The following MYH1 variants were observed in gnomAD, a reference collection of about 807,000 sequenced individuals.
MYH1 encodes myosin heavy chain 1.
In MYH1, 214 loss-of-function variants were observed where a neutral mutation model predicts 225.6. That is an observed-to-expected ratio of 0.95 (90% CI 0.85 to 1.06). The LOEUF (loss-of-function observed/expected upper bound fraction) is 1.06. MYH1 is among the 50% of genes least tolerant of loss of function. The pLI is 0.00. For synonymous variants in MYH1, 774 were observed against 842.3 expected (o/e 0.92, Z 1.40); for missense variants, 2,098 against 2,344.2 (o/e 0.89, Z 2.17).
chr17:10,508,018 G>GTT lies in MYH1; in HGVS notation c.1898-64_1898-63dup, dbSNP rs571060607. Reference sequence around the variant, plus strand: ...TCTCTGGTTATGGTTTTTTTTTTTTGTTTTTTTTTGTTTTTTTTGACGAAG... The same window carrying GTT: ...TCTCTGGTTATGGTTTTTTTTTTTTGTTTTTTTTTTTGTTTTTTTTGACGAAG... On this transcript the variant is annotated intron_variant, in intron 16 of 39. Transcript: ENST00000226207. 9,111 of 1,158,378 alleles carry GTT rather than the reference G, an allele frequency of 7.9e-3. 7 individuals carry two copies. Among genetic ancestry groups the GTT allele is most frequent in the East Asian group, 0.027 (950 of 35,684 alleles). The allele number at this position is 1,158,378 out of a possible 1,614,324, so 71.8% of individuals were successfully genotyped here.
chr17:10,502,587 A>G, intron 24 of MYH1, 151 bp downstream of exon 24: 1 of 1,178,430 alleles, frequency 8.5e-7, no homozygotes, highest in Non-Finnish European at 1.2e-6. Context: ...TTGTGTGTAC[A>G]TCTTAGACCT....
chr17:10,500,804 A>T, intron 27 of MYH1, 52 bp from the exon 28 acceptor site: 1 of 1,611,386 alleles, frequency 6.2e-7, no homozygotes, highest in Non-Finnish European at 8.5e-7. Flanking sequence ...TGGACCAAAG[A>T]AAGTTTCAGT....
intron 19 of MYH1, 68 bp downstream of exon 19, chr17:10,505,744 C>A (rs2073104761): frequency 1.3e-6 from 2 of 1,590,354 alleles, no homozygotes; most frequent in African/African-American, 1.4e-5. Context: ...ATAAAGGATT[C>A]TTTCATTGAA....
In MYH1 at chr17:10,512,585, G is replaced by C. The variant is rs187786095; in HGVS notation, c.1009-39C>G. The C allele has an allele frequency of 7.3e-3, 11,779 of 1,613,656 alleles. 83 individuals are homozygous for C. The highest frequency in any genetic ancestry group is 0.059 in the Middle Eastern group (360 of 6,058). On this transcript the variant is annotated intron_variant, in intron 11 of 39. Coordinates refer to ENST00000226207, the MANE Select transcript of MYH1 (RefSeq NM_005963.4). ...TGAGAAGACAAAGATTAGGGCACAAGAGAATTTATACTGTATCTTTTACAC... is the reference window on the plus strand; with the variant it reads ...TGAGAAGACAAAGATTAGGGCACAACAGAATTTATACTGTATCTTTTACAC...
intron 24 of MYH1, 131 bp downstream of exon 24, chr17:10,502,607 G>A: frequency 7.4e-7 from 1 of 1,342,460 alleles, no homozygotes. Flanking sequence ...TTGTAATAGG[G>A]ATGATGTTCC....
rs764940587 is a variant in MYH1 at position 10,494,344 on chromosome 17, G to A, written c.5667+10C>T. The A allele has an allele frequency of 2.5e-6, 4 of 1,613,448 alleles. No homozygotes were observed. The highest frequency in any genetic ancestry group is 1.7e-5 in the Admixed American group (1 of 59,954). On this transcript the variant is annotated intron_variant, in intron 39 of 39. Coordinates refer to ENST00000226207, the MANE Select transcript of MYH1 (RefSeq NM_005963.4). Reference sequence around the variant, plus strand: ...CTGAGAAAAATCACCCCAAGGGGTTGTGAACTCACCGCTTCTTCAGCTTGT... The same window carrying A: ...CTGAGAAAAATCACCCCAAGGGGTTATGAACTCACCGCTTCTTCAGCTTGT...
At position 10,504,990 on chromosome 17, in the gene MYH1, A is replaced by T. The variant is rs779644886; in HGVS notation, c.2511T>A (p.Tyr837Ter). The T allele has an allele frequency of 8.7e-6, 14 of 1,614,044 alleles. No homozygotes were observed. The highest frequency in any genetic ancestry group is 8.5e-7 in the Non-Finnish European group (1 of 1,180,046). Residue 837 changes from tyrosine to a stop codon, truncating the protein, a stop_gained, in exon 22 of 40, where the codon TAT (tyrosine) becomes TAA (stop). Transcript: ENST00000226207. LOFTEE classifies it high-confidence loss of function. ...NVKHWPWMKL[Y>*]FKIKPLLKSA... Reference sequence around the variant, plus strand: ...TTTTGAGGAGGGGTTTGATCTTGAAATACAGCTTCATCCAGGGCCAGTGCT... The same window carrying T: ...TTTTGAGGAGGGGTTTGATCTTGAATTACAGCTTCATCCAGGGCCAGTGCT...
At position 10,494,926 on chromosome 17, in the gene MYH1, C is replaced by A; in HGVS notation, c.5466+5G>T. ...ATAGAAATACATGCTGATTAGGAGA[C>A]CCACCCTGGCCTCCAGTTTCTGGAT... On this transcript the variant is annotated splice_donor_5th_base_variant and intron_variant, in intron 37 of 39. Transcript: ENST00000226207. The A allele has an allele frequency of 6.2e-7, 1 of 1,614,060 alleles. No homozygotes were observed. Among genetic ancestry groups the A allele is most frequent in the Non-Finnish European group, 8.5e-7 (1 of 1,179,986 alleles).
chr17:10,512,048 G>A (rs2073174783), intron 13 of MYH1, 26 bp downstream of exon 13: 1 of 1,613,762 alleles, frequency 6.2e-7, no homozygotes, highest in African/African-American at 1.3e-5. Flanking sequence ...TGGGATGTGT[G>A]TGATTCATTG....
rs768249862 is a variant in MYH1, at chr17:10,498,769, C to T, written c.4038G>A (p.Leu1346=). 1.2e-6 allele frequency: 2 copies of T among 1,614,112 alleles called. No homozygotes were observed. Among genetic ancestry groups the T allele is most frequent in the African/African-American group, 2.7e-5 (2 of 74,940 alleles). Residue 1346 remains leucine (L), a synonymous_variant, in exon 30 of 40, where the codon CTG becomes CTA. Transcript: ENST00000226207. Reference sequence around the variant, plus strand: ...GCTCCTCCTCATACTGTTCCCGCAGCAGGTCACAGTCATGGCGGGAGGACT... The same window carrying T: ...GCTCCTCCTCATACTGTTCCCGCAGTAGGTCACAGTCATGGCGGGAGGACT... ...ALQSSRHDCD[L]LREQYEEEQE... is the part of the protein sequence containing the mutation.
intron 19 of MYH1, 118 bp downstream of exon 19, chr17:10,505,694 G>T: frequency 7.0e-7 from 1 of 1,433,082 alleles, no homozygotes; most frequent in Non-Finnish European, 9.5e-7. Flanking sequence ...TATGGAGTTT[G>T]TTAAGTGAGT....
In MYH1 at chr17:10,496,155, T is replaced by C. The variant is rs2072991358; in HGVS notation, c.4966-2A>G. ...ATCATCCAGGTGGAGCTGGGTATCC[T>C]GTGGAACAAACCGTCATTGAGACAC... On this transcript the variant is annotated splice_acceptor_variant, in intron 34 of 39. Transcript: ENST00000226207. LOFTEE classifies it high-confidence loss of function. The C allele has an allele frequency of 1.2e-6, 2 of 1,614,068 alleles. No individual in the cohort carries two copies. The highest frequency in any genetic ancestry group is 2.2e-5 in the South Asian group (2 of 91,090).
chr17:10,515,211 T>A (rs1426744321), intron 5 of MYH1, among the ~76,000 whole-genome samples: 1 of 152,226 alleles, frequency 6.6e-6, no homozygotes, highest in Non-Finnish European at 1.5e-5. Context: ...AATCAAGCCA[T>A]GACTGAGATT....
At chr17:10,514,379 G>A (rs1050927469) in intron 6 of MYH1, among the ~76,000 whole-genome samples, 3 of 152,286 alleles carry the variant, frequency 2.0e-5, no homozygotes, top group Non-Finnish European at 4.4e-5. Context: ...TGGGCTTGAG[G>A]GGTCTGAAAA....
chr17:10,497,591 G>T, intron 31 of MYH1, 139 bp from the exon 32 acceptor site: 1 of 1,483,200 alleles, frequency 6.7e-7, no homozygotes, highest in Non-Finnish European at 9.1e-7. Context: ...AACCATAGGA[G>T]CACTTCCCCT....
intron 30 of MYH1, 113 bp from the exon 31 acceptor site, chr17:10,498,030 G>A: frequency 1.8e-6 from 2 of 1,086,282 alleles, no homozygotes; most frequent in Non-Finnish European, 2.6e-6. Context: ...TGCTTCTCAA[G>A]CTTGTTTTGT....
At chr17:10,502,026 A>T in intron 24 of MYH1, 115 bp from the exon 25 acceptor site, 2 of 1,056,852 alleles carry the variant, frequency 1.9e-6, no homozygotes, top group Non-Finnish European at 2.7e-6. Flanking sequence ...AATTAGGCAG[A>T]TTTGTCCCAT....
At position 10,509,511 on chromosome 17, in the gene MYH1, C is replaced by T; in HGVS notation, c.1561G>A (p.Ala521Thr). ...TTCTCGATGAGCTCGATGCAGGCAG[C>T]CAGGTCCATCCCAAAGTCAATGAAC... ...WTFIDFGMDL[A>T]ACIELIEKPM... Residue 521 changes from alanine to threonine, a missense_variant, in exon 15 of 40, where the codon GCT becomes ACT. Coordinates refer to ENST00000226207, the MANE Select transcript of MYH1 (RefSeq NM_005963.4). 1.9e-6 allele frequency: 3 copies of T among 1,614,160 alleles called. No homozygotes were observed. The highest frequency in any genetic ancestry group is 2.5e-6 in the Non-Finnish European group (3 of 1,180,034).
Position 10,516,101 on chromosome 17 carries a change from G to A in MYH1, c.349-19C>T, listed in dbSNP as rs56135494. 1.2e-6 allele frequency: 2 copies of A among 1,613,666 alleles called. No individual in the cohort carries two copies. Among genetic ancestry groups the A allele is most frequent in the East Asian group, 2.2e-5 (1 of 44,866 alleles). On this transcript the variant is annotated intron_variant, in intron 4 of 39. Transcript: ENST00000226207. ...AGTAGGTCTGCACCCAAAACAAAAG[G>A]GAGGAACAGAATTATTTGATGGGGA... is the stretch of plus-strand genomic sequence containing the variant.
Sources: gnomAD v4.1 joint callset for allele counts (sites outside exome capture counted in the v4.1 genomes callset) on GRCh38, gnomAD v4.1.1 for gene constraint, MANE v1.5 for transcripts, NCBI Gene and HGNC (gene_info 2026-07-23, HGNC 2026-07-21) for gene names.